Variants in MLLT10 observed in about 807,000 individuals in gnomAD.
MLLT10 encodes MLLT10 histone lysine methyltransferase DOT1L cofactor.
MLLT10 carries 30 observed loss-of-function variants against 129.1 expected under a neutral mutation model. That is an observed-to-expected ratio of 0.23 (90% CI 0.17 to 0.32). The LOEUF (loss-of-function observed/expected upper bound fraction) is 0.32. Among genes scored for constraint, MLLT10 ranks in the 10% least tolerant of loss-of-function variants. The pLI, the probability that MLLT10 is intolerant of heterozygous loss-of-function variation, is 1.00. For missense variants in MLLT10, 1,119 were observed against 1,268.3 expected, an observed-to-expected ratio of 0.88 and a Z score of 1.79; for synonymous variants, 490 against 446.4, an observed-to-expected ratio of 1.10 and a Z score of -1.23.
chr10:21,690,871 C>T (rs890538988), intron 13 of MLLT10, among the ~76,000 whole-genome samples: 2 of 152,088 alleles, frequency 1.3e-5, no homozygotes, highest in Admixed American at 1.3e-4. Flanking sequence ...ATCTCTTGCA[C>T]AGATTATTCT....
At chr10:21,718,814 G>A (rs2056932776) in intron 14 of MLLT10, among the ~76,000 whole-genome samples, 1 of 152,124 alleles carries the variant, frequency 6.6e-6, no homozygotes, top group African/African-American at 2.4e-5. Context: ...CTCTGCCCCT[G>A]CCAGGTTCAA....
chr10:21,594,691 C>G (rs913977418), intron 4 of MLLT10, among the ~76,000 whole-genome samples: 1 of 150,722 alleles, frequency 6.6e-6, no homozygotes, highest in Non-Finnish European at 1.5e-5. Flanking sequence ...CCCAGAAACT[C>G]CTCACTATCA....
intron 3 of MLLT10, among the ~76,000 whole-genome samples, chr10:21,549,451 C>T (rs4553272): frequency 0.6 from 90,777 of 151,990 alleles, 29,951 homozygotes; most frequent in African/African-American, 0.9. Flanking sequence ...TTTGAAGCTT[C>T]GATGACAGCT....
At chr10:21,624,777 G>T in intron 8 of MLLT10, 1 of 1,109,302 alleles carries the variant, frequency 9.0e-7, no homozygotes, top group Non-Finnish European at 1.3e-6. Context: ...GCCTTCTCTT[G>T]CGTCCTACAT....
chr10:21,567,739 C>T (rs1423642114), intron 3 of MLLT10, among the ~76,000 whole-genome samples: 1 of 151,748 alleles, frequency 6.6e-6, no homozygotes, highest in Non-Finnish European at 1.5e-5. Context: ...ATAGCAGTTA[C>T]TCTTCAAGTT....
chr10:21,716,665 G>T (rs1013466467), intron 14 of MLLT10, among the ~76,000 whole-genome samples: 44 of 151,058 alleles, frequency 2.9e-4, no homozygotes, highest in Non-Finnish European at 5.5e-4. Flanking sequence ...CTGCACTCCA[G>T]CTTGGGCCAA....
intron 22 of MLLT10, among the ~76,000 whole-genome samples, 169 bp downstream of exon 22, chr10:21,740,405 CTAAGTA>C (rs1273475331): frequency 1.3e-5 from 2 of 152,166 alleles, no homozygotes; most frequent in Non-Finnish European, 2.9e-5. Context: ...TATACGTCCC[CTAAGTA>C]TATCAGTTTG....
At chr10:21,594,383 C>T (rs961030164) in intron 4 of MLLT10, among the ~76,000 whole-genome samples, 29 of 151,668 alleles carry the variant, frequency 1.9e-4, no homozygotes, top group African/African-American at 5.3e-4. Context: ...AGCCCCACCC[C>T]TACTAAAAAT....
chr10:21,633,346 CT>C (rs2131271887), intron 8 of MLLT10, among the ~76,000 whole-genome samples: 1 of 152,306 alleles, frequency 6.6e-6, no homozygotes, highest in African/African-American at 2.4e-5. Context: ...ATTTAGAAGA[CT>C]AATGAAGTGC....
intron 3 of MLLT10, among the ~76,000 whole-genome samples, chr10:21,541,810 G>A (rs1303967412): frequency 1.3e-5 from 2 of 152,124 alleles, no homozygotes; most frequent in South Asian, 2.1e-4. Flanking sequence ...ATCCGTGCCC[G>A]GCCAGAGCAA....
chr10:21,607,875 A>AT (rs2044218343), intron 5 of MLLT10, among the ~76,000 whole-genome samples: 1 of 152,102 alleles, frequency 6.6e-6, no homozygotes, highest in African/African-American at 2.4e-5. Context: ...AGCTAAAATA[A>AT]TTTCCTTTAG....
Position 21,673,896 on chromosome 10 carries a change from T to C in MLLT10, c.1598T>C (p.Val533Ala). ...LRNGSLQSLSVGSSPVGSEIS... is the reference protein window; with the variant it reads ...LRNGSLQSLSAGSSPVGSEIS... ...AATGGAAGTTTACAGAGCCTCAGTGTTGGCTCATCTCCAGTTGGTTCAGGT... is the reference window on the plus strand; with the variant it reads ...AATGGAAGTTTACAGAGCCTCAGTGCTGGCTCATCTCCAGTTGGTTCAGGT... Residue 533 changes from valine to alanine, a missense_variant, in exon 11 of 23, where the codon GTT (valine) becomes GCT (alanine). Val to Ala is a moderately conservative substitution (Grantham distance 64). Around this residue, in one of 5 missense-constraint regions of MLLT10, gnomAD observed 1,004 missense variants for 1,008.7 expected, o/e 1.00. Transcript: ENST00000307729. The C allele has an allele frequency of 6.2e-7, 1 of 1,602,622 alleles. No homozygotes were observed. Among genetic ancestry groups the C allele is most frequent in the Non-Finnish European group, 8.5e-7 (1 of 1,174,786 alleles).
intron 14 of MLLT10, among the ~76,000 whole-genome samples, chr10:21,716,063 C>G (rs1389619161): frequency 6.6e-6 from 1 of 152,206 alleles, no homozygotes; most frequent in Non-Finnish European, 1.5e-5. Flanking sequence ...GAGTGCTGAA[C>G]TACTTCAATT....
chr10:21,685,359 G>T (rs1358268303), intron 13 of MLLT10, among the ~76,000 whole-genome samples: 1 of 152,158 alleles, frequency 6.6e-6, no homozygotes, highest in East Asian at 1.9e-4. Flanking sequence ...TTTTGAGATG[G>T]AGTCTCACTC....
intron 12 of MLLT10, among the ~76,000 whole-genome samples, chr10:21,681,987 T>C (rs1255827959): frequency 2.0e-5 from 3 of 152,238 alleles, no homozygotes; most frequent in Non-Finnish European, 4.4e-5. Flanking sequence ...ATTGTCGTTA[T>C]GACAATATAC....
intron 5 of MLLT10, among the ~76,000 whole-genome samples, chr10:21,604,442 T>G (rs917061273): frequency 6.6e-6 from 1 of 151,870 alleles, no homozygotes; most frequent in Admixed American, 6.6e-5. Flanking sequence ...ATGCAAAAAT[T>G]AGCGAGGTGT....
intron 8 of MLLT10, chr10:21,624,473 A>G: frequency 3.4e-6 from 2 of 589,220 alleles, no homozygotes; most frequent in Non-Finnish European, 5.8e-6. Context: ...TCAGCCCAAT[A>G]CAAATGGCAG....
At chr10:21,719,376 A>G (rs2056975287) in intron 14 of MLLT10, among the ~76,000 whole-genome samples, 1 of 152,224 alleles carries the variant, frequency 6.6e-6, no homozygotes, top group Non-Finnish European at 1.5e-5. Flanking sequence ...ATCAGTTTTC[A>G]TAACCTTGGT....
chr10:21,573,449 T>C (rs1338700416), intron 3 of MLLT10, among the ~76,000 whole-genome samples: 1 of 152,206 alleles, frequency 6.6e-6, no homozygotes, highest in Non-Finnish European at 1.5e-5. Context: ...CCTGAGGGTT[T>C]GTGTCATGAA....
Sources: gnomAD v4.1 joint callset for allele counts (sites outside exome capture counted in the v4.1 genomes callset) on GRCh38, gnomAD v4.1.1 for gene constraint, gnomAD v4.1.1 regional missense constraint, MANE v1.5 for transcripts, NCBI Gene and HGNC (gene_info 2026-07-23, HGNC 2026-07-21) for gene names.